Variants in DRG2 observed in about 807,000 individuals in gnomAD.
DRG2 encodes the protein developmentally-regulated GTP-binding protein 2.
Under a neutral mutation model 53.4 loss-of-function variants are expected in DRG2, and 36 were observed. The ratio of observed to expected loss-of-function variants is 0.67; its 90% CI spans 0.52 to 0.89. The LOEUF (loss-of-function observed/expected upper bound fraction) is 0.89. Ranked by LOEUF, DRG2 falls within the 40% of genes least tolerant of loss-of-function variation. DRG2 has a pLI of 0.00. For synonymous variants in DRG2, 167 were observed against 192.1 expected, an observed-to-expected ratio of 0.87 and a Z score of 1.08; for missense variants, 342 against 481.2, an observed-to-expected ratio of 0.71 and a Z score of 2.71.
chr17:18,100,116 CG>C lies in DRG2; in HGVS notation c.468-242del. On this transcript the variant is annotated intron_variant, in intron 5 of 12. Coordinates refer to ENST00000225729, the MANE Select transcript of DRG2 (RefSeq NM_001388.5). This position sits in a 1 kb window ranked among gnomAD's most constrained non-coding sequence, Gnocchi z 4.1. ...GGAGTACCCTCATGTGGTCACCTCG[CG>C]GGGGCTCCACCACTTGCCTGTGCAT... is the stretch of plus-strand genomic sequence containing the variant. 2 of 591,164 alleles carry C rather than the reference CG, an allele frequency of 3.4e-6. No homozygotes were observed. Among genetic ancestry groups the C allele is most frequent in the South Asian group, 2.0e-5 (1 of 49,984 alleles). 36.6% of individuals were successfully genotyped at this position (591,164 alleles called of 1,614,324 possible).
Position 18,093,927 on chromosome 17 carries a change from C to T in DRG2, c.179C>T (p.Ser60Leu), listed in dbSNP as rs1249217324. Residue 60 changes from serine to leucine, a missense_variant, in exon 2 of 13, where the codon TCG becomes TTG. Transcript: ENST00000225729. ...SKGEGFDVMK[S>L]GDARVALIGF... Reference sequence around the variant, plus strand: ...GGAGAGGGCTTTGATGTCATGAAGTCGGGTGATGCCCGTGTGGCGCTGATT... The same window carrying T: ...GGAGAGGGCTTTGATGTCATGAAGTTGGGTGATGCCCGTGTGGCGCTGATT... 1.9e-6 allele frequency: 3 copies of T among 1,614,060 alleles called. No individual in the cohort carries two copies. Among genetic ancestry groups the T allele is most frequent in the Non-Finnish European group, 2.5e-6 (3 of 1,180,044 alleles).
chr17:18,102,430 G>A (rs1011396632), intron 9 of DRG2, among the ~76,000 whole-genome samples: 3 of 151,970 alleles, frequency 2.0e-5, no homozygotes, highest in Non-Finnish European at 4.4e-5. Flanking sequence ...AGACTATCCT[G>A]GCCAACATGG....
Position 18,104,691 on chromosome 17 carries a change from C to T in DRG2, c.954+10C>T, listed in dbSNP as rs774803242. 4 of 1,613,574 alleles carry T rather than the reference C, an allele frequency of 2.5e-6. No individual in the cohort carries two copies. Among genetic ancestry groups the T allele is most frequent in the Non-Finnish European group, 3.4e-6 (4 of 1,179,990 alleles). ...CTCAGTGGAGCACGTGGTGAGTTGA[C>T]AAGACCTGCCGTGACAAGGGGTGGG... On this transcript the variant is annotated intron_variant, in intron 11 of 12. Coordinates refer to ENST00000225729, the MANE Select transcript of DRG2 (RefSeq NM_001388.5).
At chr17:18,089,652 G>T (rs2045279009) in intron 1 of DRG2, among the ~76,000 whole-genome samples, 1 of 152,202 alleles carries the variant, frequency 6.6e-6, no homozygotes, top group Non-Finnish European at 1.5e-5. Context: ...TGGGGATTGG[G>T]TCTGCTTAGG....
In DRG2 at chr17:18,099,115, G is replaced by A; in HGVS notation, c.376+38G>A. ...GCAGGTGTGTGGGAAGCAGACTGGA[G>A]CTCTGTTACTGATCGTTGAAATTGG... On this transcript the variant is annotated intron_variant, in intron 4 of 12. Transcript: ENST00000225729. This position sits in a 1 kb window ranked among gnomAD's most constrained non-coding sequence, Gnocchi z 4.4. 6.2e-7 allele frequency: 1 copy of A among 1,613,230 alleles called. No individual in the cohort carries two copies. The highest frequency in any genetic ancestry group is 1.1e-5 in the South Asian group (1 of 91,076).
intron 1 of DRG2, among the ~76,000 whole-genome samples, chr17:18,088,690 A>G (rs1045430790): frequency 1.3e-5 from 2 of 152,254 alleles, no homozygotes; most frequent in African/African-American, 2.4e-5. Flanking sequence ...GGCCTTTACA[A>G]AGCACTGGGC....
In DRG2 at chr17:18,099,602, A is replaced by C; in HGVS notation, c.377-31A>C. On this transcript the variant is annotated intron_variant, in intron 4 of 12. Transcript: ENST00000225729. This position sits in a 1 kb window ranked among gnomAD's most constrained non-coding sequence, Gnocchi z 4.4. ...CTGGGTAGCAGTCACATGGGTCCAC[A>C]TATGTAACTGCATCCCTCACACCCA... 1 of 1,581,324 alleles carries C rather than the reference A, an allele frequency of 6.3e-7. No individual in the cohort carries two copies. Among genetic ancestry groups the C allele is most frequent in the Non-Finnish European group, 8.6e-7 (1 of 1,164,158 alleles).
In DRG2 at chr17:18,103,225, C is replaced by T. The variant is rs854809; in HGVS notation, c.807-576C>T. Among the ~76,000 whole-genome samples the T allele has an allele frequency of 0.43, 65,882 of 151,812 alleles. 15,401 individuals are homozygous for T. Among genetic ancestry groups the T allele is most frequent in the South Asian group, 0.7 (3,381 of 4,800 alleles). Reference sequence around the variant, plus strand: ...GCTCTACAGAGGTCAGGACACAGCTCGGGGTCACGGCGCAAACCTTCAAGC... The same window carrying T: ...GCTCTACAGAGGTCAGGACACAGCTTGGGGTCACGGCGCAAACCTTCAAGC... On this transcript the variant is annotated intron_variant, in intron 9 of 12. Transcript: ENST00000225729. The surrounding 1 kb of genome is among the most constrained non-coding windows in gnomAD (Gnocchi z 4.4).
Position 18,107,207 on chromosome 17 carries a change from G to T in DRG2, c.1062G>T (p.Glu354Asp). The change falls in exon 13 of 13, where the codon GAG becomes GAT. Residue 354 changes from glutamate (E) to aspartate (D), a missense_variant. Physicochemically the swap from Glu to Asp is conservative, Grantham distance 45 (BLOSUM62 2). Coordinates refer to ENST00000225729, the MANE Select transcript of DRG2 (RefSeq NM_001388.5). ...PQRVGLTHTM[E>D]HEDVIQIVKK is the part of the protein sequence containing the mutation. ...GGGTGGGCCTGACCCACACCATGGAGCATGAGGACGTCATCCAGATCGTGA... is the reference window on the plus strand; with the variant it reads ...GGGTGGGCCTGACCCACACCATGGATCATGAGGACGTCATCCAGATCGTGA... 6.2e-7 allele frequency: 1 copy of T among 1,613,442 alleles called. No homozygotes were observed.
intron 2 of DRG2, chr17:18,094,373 G>A (rs59631391): frequency 1.3e-5 from 2 of 157,656 alleles, no homozygotes; most frequent in Middle Eastern, 6.3e-3. Context: ...GGTGAGGAGT[G>A]GGGGCTGGTG....
chr17:18,094,078 A>C, intron 2 of DRG2, 105 bp downstream of exon 2: 1 of 1,439,166 alleles, frequency 6.9e-7, no homozygotes, highest in East Asian at 2.4e-5. Flanking sequence ...AGCTCCAGGG[A>C]CACAGAAGAC....
rs1306870491 is a variant in DRG2, at chr17:18,098,101, A to C, written c.226-169A>C. The C allele has an allele frequency of 1.7e-6, 1 of 605,040 alleles. No homozygotes were observed. Among genetic ancestry groups the C allele is most frequent in the Admixed American group, 2.5e-5 (1 of 40,476 alleles). 37.5% of individuals were successfully genotyped at this position (605,040 alleles called of 1,614,324 possible). Reference sequence around the variant, plus strand: ...TGTCTGACCCATCCAGGACAGGGCCAGAGGTGAGCCCTCTGGCTGGGAGGT... The same window carrying C: ...TGTCTGACCCATCCAGGACAGGGCCCGAGGTGAGCCCTCTGGCTGGGAGGT... On this transcript the variant is annotated intron_variant, in intron 2 of 12. Coordinates refer to ENST00000225729, the MANE Select transcript of DRG2 (RefSeq NM_001388.5). This position sits in a 1 kb window ranked among gnomAD's most constrained non-coding sequence, Gnocchi z 4.1.
chr17:18,104,413 T>G, intron 10 of DRG2: 1 of 1,107,688 alleles, frequency 9.0e-7, no homozygotes, highest in Non-Finnish European at 1.2e-6. Context: ...ATCCTAGACG[T>G]GATTTATTTT....
rs751156528 is a variant in DRG2, at chr17:18,106,421, C to T, written c.955-12C>T. 5 of 1,614,056 alleles carry T rather than the reference C, an allele frequency of 3.1e-6. No individual in the cohort carries two copies. Among genetic ancestry groups the T allele is most frequent in the Non-Finnish European group, 4.2e-6 (5 of 1,179,932 alleles). On this transcript the variant is annotated splice_polypyrimidine_tract_variant and intron_variant, in intron 11 of 12. Coordinates refer to ENST00000225729, the MANE Select transcript of DRG2 (RefSeq NM_001388.5). Reference sequence around the variant, plus strand: ...GCCTCACCTCTCTACCTGACTCTCTCCTGTCCTCCAGTGCCACCGCATCCA... The same window carrying T: ...GCCTCACCTCTCTACCTGACTCTCTTCTGTCCTCCAGTGCCACCGCATCCA...
chr17:18,094,305 AT>A, intron 2 of DRG2: 1 of 202,054 alleles, frequency 4.9e-6, no homozygotes, highest in Non-Finnish European at 1.0e-5. Context: ...CCCTGCCCAC[AT>A]AGATCTCCCA....
In DRG2 at chr17:18,106,044, A is replaced by G. The variant is rs536983007; in HGVS notation, c.955-389A>G. On this transcript the variant is annotated intron_variant, in intron 11 of 12. Transcript: ENST00000225729. ...GAAGCTTCAGGCCACAGGTGGGGCC[A>G]GGAGGAGTGAGAGATGGTGACCAAG... 6 of 245,022 alleles carry G rather than the reference A, an allele frequency of 2.4e-5. No individual in the cohort carries two copies. The South Asian group carries it at 3.6e-4, about 15-fold the overall frequency. The allele number at this position is 245,022 out of a possible 1,614,324, so 15.2% of individuals were successfully genotyped here.
At position 18,098,338 on chromosome 17, in the gene DRG2, G is replaced by A. The variant is rs761227617; in HGVS notation, c.294G>A (p.Thr98=). Reference sequence around the variant, plus strand: ...CGTCCTATGAGTTCACCACTCTGACGTGTATTCCTGGGGTCATTGAAGTAA... The same window carrying A: ...CGTCCTATGAGTTCACCACTCTGACATGTATTCCTGGGGTCATTGAAGTAA... ...EAASYEFTTL[T]CIPGVIEYKG... is the part of the protein sequence containing the mutation. The change falls in exon 3 of 13, where the codon ACG becomes ACA. Residue 98 remains threonine (T), a synonymous_variant. Coordinates refer to ENST00000225729, the MANE Select transcript of DRG2 (RefSeq NM_001388.5). The surrounding 1 kb of genome is among the most constrained non-coding windows in gnomAD (Gnocchi z 4.1). 1.1e-5 allele frequency: 17 copies of A among 1,613,868 alleles called. No individual in the cohort carries two copies. Among genetic ancestry groups the A allele is most frequent in the South Asian group, 3.3e-5 (3 of 91,082 alleles).
intron 12 of DRG2, 34 bp from the exon 13 acceptor site, chr17:18,107,120 T>A (rs1463757060): frequency 6.2e-7 from 1 of 1,602,442 alleles, no homozygotes. Context: ...CAGTCCAGGC[T>A]GAGGTGACCC....
chr17:18,106,634 G>A, intron 12 of DRG2, 148 bp downstream of exon 12: 2 of 779,044 alleles, frequency 2.6e-6, no homozygotes, highest in South Asian at 1.7e-5. Context: ...TCCATAGAAT[G>A]TACATGCCAA....
Sources: gnomAD v4.1 joint callset for allele counts (sites outside exome capture counted in the v4.1 genomes callset) on GRCh38, gnomAD v4.1.1 for gene constraint, Gnocchi (gnomAD v3.1) non-coding constraint, MANE v1.5 for transcripts, NCBI Gene and HGNC (gene_info 2026-07-23, HGNC 2026-07-21) for gene names.